The following DNM3 variants were observed in gnomAD, a reference collection of about 807,000 sequenced individuals.
DNM3 encodes the protein dynamin-3.
Under a neutral mutation model 101.6 loss-of-function variants are expected in DNM3, and 47 were observed. That is an observed-to-expected ratio of 0.46 (90% CI 0.37 to 0.59). The LOEUF (loss-of-function observed/expected upper bound fraction) is 0.59. DNM3 is among the 20% of genes least tolerant of loss of function. The probability of loss-of-function intolerance (pLI) is 0.00; values close to 1 mark genes in which losing one functional copy is unlikely to be tolerated. For missense variants in DNM3, 849 were observed against 1,085.7 expected, an observed-to-expected ratio of 0.78 and a Z score of 3.06; for synonymous variants, 385 against 387.9, an observed-to-expected ratio of 0.99 and a Z score of 0.09.
intron 14 of DNM3, 99 bp downstream of exon 14, chr1:172,131,387 C>CT: frequency 1.0e-6 from 1 of 972,866 alleles, no homozygotes; most frequent in Non-Finnish European, 1.6e-6. Flanking sequence ...ACCAGTGGTT[C>CT]TCTTTCAGTG....
chr1:171,856,288 G>C (rs1452210386), intron 1 of DNM3, among the ~76,000 whole-genome samples: 1 of 152,170 alleles, frequency 6.6e-6, no homozygotes, highest in Non-Finnish European at 1.5e-5. Flanking sequence ...CTGTAGTATA[G>C]TTTGAAGTCA....
At chr1:171,858,547 T>G (rs541944501) in intron 1 of DNM3, among the ~76,000 whole-genome samples, 6 of 152,152 alleles carry the variant, frequency 3.9e-5, no homozygotes, top group Non-Finnish European at 7.4e-5. Flanking sequence ...AAAGCAAGTA[T>G]ATGGATATCT....
At chr1:172,380,900 A>G (rs747377175) in intron 18 of DNM3, 19 of 151,252 alleles carry the variant, frequency 1.3e-4, no homozygotes, top group Non-Finnish European at 2.7e-4. Context: ...TTTGCTCTGC[A>G]CTATATTAAA....
At chr1:171,894,807 AT>A (rs141662324) in intron 1 of DNM3, among the ~76,000 whole-genome samples, 88,768 of 151,222 alleles carry the variant, frequency 0.59, 26,208 homozygotes, top group East Asian at 0.67. Flanking sequence ...TCGTTGTTCA[AT>A]TTCCCACCTA....
At chr1:172,118,999 T>A (rs2056118705) in intron 13 of DNM3, among the ~76,000 whole-genome samples, 1 of 151,910 alleles carries the variant, frequency 6.6e-6, no homozygotes, top group South Asian at 2.1e-4. Flanking sequence ...TTAATTTTTT[T>A]TTTTTTTTTT....
intron 15 of DNM3, among the ~76,000 whole-genome samples, chr1:172,255,418 T>C (rs2062358328): frequency 6.6e-6 from 1 of 151,982 alleles, no homozygotes; most frequent in Non-Finnish European, 1.5e-5. Context: ...GTGGAACAGG[T>C]GACTGCCAAA....
chr1:172,337,860 ATTTTAT>A (rs1259140482), intron 17 of DNM3, among the ~76,000 whole-genome samples: 1 of 145,716 alleles, frequency 6.9e-6, no homozygotes, highest in East Asian at 2.0e-4. Flanking sequence ...ATTTTATTTT[ATTTTAT>A]TTTTATTTTA....
In DNM3 at chr1:172,037,188, G is replaced by C. The variant is rs186997668; in HGVS notation, c.850-1131G>C. On this transcript the variant is annotated intron_variant, in intron 6 of 20. Transcript: ENST00000627582. ...GAAATAGGAACACTTTTACACTGTT[G>C]GTGGGACTGTAAACTAGTTCAACCC... is the stretch of plus-strand genomic sequence containing the variant. 1.4e-3 allele frequency among the ~76,000 whole-genome samples: 211 copies of C among 152,234 alleles called. 4 individuals carry two copies. The East Asian group carries it at 0.038, about 27-fold the overall frequency.
At chr1:172,378,928 A>G (rs747639064) in intron 17 of DNM3, 90 bp from the exon 18 acceptor site, 29 of 1,390,382 alleles carry the variant, frequency 2.1e-5, no homozygotes, top group Non-Finnish European at 2.8e-5. Flanking sequence ...AACTATGCTA[A>G]TCAGAAGTTG....
intron 4 of DNM3, among the ~76,000 whole-genome samples, chr1:172,027,634 G>A (rs2048309425): frequency 6.9e-6 from 1 of 145,104 alleles, no homozygotes; most frequent in Admixed American, 6.8e-5. Flanking sequence ...AGAGAAATTG[G>A]ATACAGAGTC....
chr1:172,003,263 CAATT>C (rs765973772), intron 4 of DNM3, among the ~76,000 whole-genome samples: 1 of 151,926 alleles, frequency 6.6e-6, no homozygotes, highest in Non-Finnish European at 1.5e-5. Context: ...CATTAAAACA[CAATT>C]AATAGTTTCC....
intron 14 of DNM3, among the ~76,000 whole-genome samples, chr1:172,196,689 C>A (rs1056684208): frequency 6.6e-6 from 1 of 152,002 alleles, no homozygotes; most frequent in Admixed American, 6.6e-5. Flanking sequence ...TGTTTATTGA[C>A]CAGATGTATG....
chr1:172,043,615 G>C (rs2049555854), intron 8 of DNM3, among the ~76,000 whole-genome samples: 1 of 152,108 alleles, frequency 6.6e-6, no homozygotes, highest in Non-Finnish European at 1.5e-5. Flanking sequence ...AGCAGGAAGA[G>C]GTAGGCTACA....
At chr1:172,404,648 T>A (rs2070750524) in intron 20 of DNM3, among the ~76,000 whole-genome samples, 1 of 152,098 alleles carries the variant, frequency 6.6e-6, no homozygotes. Flanking sequence ...CCAATTTCAC[T>A]CATTATAGAC....
chr1:171,964,114 A>C (rs1362153338), intron 2 of DNM3, among the ~76,000 whole-genome samples: 1 of 152,116 alleles, frequency 6.6e-6, no homozygotes, highest in African/African-American at 2.4e-5. Context: ...TTACCCCAAA[A>C]TATATTTCTT....
intron 15 of DNM3, among the ~76,000 whole-genome samples, chr1:172,268,274 TAAAA>T (rs369755878): frequency 7.3e-6 from 1 of 136,622 alleles, no homozygotes. Context: ...AGCAAGTCAG[TAAAA>T]AAAAAAAAAA....
In DNM3 at chr1:172,371,887, CTTTT is replaced by C. The variant is rs1001332768; in HGVS notation, c.1894-7128_1894-7125del. Among the ~76,000 whole-genome samples, 38 of 141,182 alleles carry C rather than the reference CTTTT, an allele frequency of 2.7e-4. No homozygotes were observed. The South Asian group carries it at 6.4e-3, about 24-fold the overall frequency. The allele number at this position is 141,182 out of a possible 152,430, so 92.6% of individuals were successfully genotyped here. A position where few individuals can be genotyped will look rare whatever the true frequency, so the allele number is the denominator to read the frequency against. ...TTATTTTTATTTTTTATTTTTTTTACTTTTTTATTTATTTATTTATTTATTTATT... is the reference window on the plus strand; with the variant it reads ...TTATTTTTATTTTTTATTTTTTTTACTTATTTATTTATTTATTTATTTATT... On this transcript the variant is annotated intron_variant, in intron 17 of 20. Coordinates refer to ENST00000627582, the MANE Select transcript of DNM3 (RefSeq NM_015569.5).
At chr1:172,220,809 C>T (rs75295098) in intron 14 of DNM3, among the ~76,000 whole-genome samples, 2,273 of 152,140 alleles carry the variant, frequency 0.015, 27 homozygotes, top group Non-Finnish European at 0.024. Context: ...CGTTGAGATT[C>T]CATTAATTGA....
At chr1:172,336,314 G>T (rs1365912010) in intron 17 of DNM3, among the ~76,000 whole-genome samples, 1 of 151,978 alleles carries the variant, frequency 6.6e-6, no homozygotes, top group Non-Finnish European at 1.5e-5. Context: ...TAAGTCTAGC[G>T]TTAATGCACT....
Sources: allele counts gnomAD v4.1 joint callset (sites outside exome capture counted in the v4.1 genomes callset), GRCh38; gene constraint gnomAD v4.1.1; transcripts MANE v1.5; gene names NCBI Gene and HGNC (gene_info 2026-07-23, HGNC 2026-07-21).